RLF: variants seen among roughly 807,000 people sequenced by gnomAD.
RLF encodes zinc finger protein Rlf.
RLF carries 7 observed loss-of-function variants against 162.9 expected under a neutral mutation model. That is an observed-to-expected ratio of 0.04 (90% CI 0.02 to 0.08). RLF has a LOEUF of 0.08. Among genes scored for constraint, RLF ranks in the 10% least tolerant of loss-of-function variants. The pLI is 1.00. For synonymous variants in RLF, 782 were observed against 791.5 expected, an observed-to-expected ratio of 0.99 and a Z score of 0.20; for missense variants, 1,664 against 2,244.7, an observed-to-expected ratio of 0.74 and a Z score of 5.23.
chr1:40,186,039 C>G (rs919777972), intron 1 of RLF, among the ~76,000 whole-genome samples: 4 of 151,934 alleles, frequency 2.6e-5, no homozygotes, highest in African/African-American at 4.8e-5. Flanking sequence ...CAGTTGTAAT[C>G]CCAGCTACTC....
intron 1 of RLF, among the ~76,000 whole-genome samples, chr1:40,172,658 C>G (rs1235793648): frequency 1.3e-5 from 2 of 152,102 alleles, no homozygotes; most frequent in African/African-American, 4.8e-5. Flanking sequence ...CCCAGCTACT[C>G]TGGAGGCTGA....
chr1:40,238,866 C>T lies in RLF; in HGVS notation c.4164C>T (p.Asn1388=). ...ALAKHCSDSH[N]LDHIEEPKVL... is the part of the protein sequence containing the mutation. ...CTAAGCACTGTAGTGATTCTCATAA[C>T]CTAGACCATATTGAAGAGCCTAAAG... Residue 1388 remains asparagine (N), a synonymous_variant, in exon 8 of 8, where the codon AAC becomes AAT. Coordinates refer to ENST00000372771, the MANE Select transcript of RLF (RefSeq NM_012421.4). The surrounding 1 kb of genome is among the most constrained non-coding windows in gnomAD (Gnocchi z 5.2). The T allele has an allele frequency of 1.2e-6, 2 of 1,614,190 alleles. No individual in the cohort carries two copies. The highest frequency in any genetic ancestry group is 1.7e-6 in the Non-Finnish European group (2 of 1,180,018).
chr1:40,236,553 G>C lies in RLF; in HGVS notation c.1851G>C (p.Lys617Asn). The change falls in exon 8 of 8, where the codon AAG becomes AAC. Residue 617 changes from lysine (K) to asparagine (N), a missense_variant. Coordinates refer to ENST00000372771, the MANE Select transcript of RLF (RefSeq NM_012421.4). The surrounding 1 kb of genome is among the most constrained non-coding windows in gnomAD (Gnocchi z 7.7). Reference sequence around the variant, plus strand: ...CAAGCAGAAGGGACCGCTCTAAAAAGAAATTACTGTTAAAAGGCTCTCAAA... The same window carrying C: ...CAAGCAGAAGGGACCGCTCTAAAAACAAATTACTGTTAAAAGGCTCTCAAA... ...MPPSRRDRSKKKLLLKGSQKG... is the reference protein window; with the variant it reads ...MPPSRRDRSKNKLLLKGSQKG... The C allele has an allele frequency of 6.2e-7, 1 of 1,614,120 alleles. No homozygotes were observed. Among genetic ancestry groups the C allele is most frequent in the Non-Finnish European group, 8.5e-7 (1 of 1,180,006 alleles).
rs751244254 is a variant in RLF, at chr1:40,239,105, G to A, written c.4403G>A (p.Arg1468Gln). 1.8e-5 allele frequency: 29 copies of A among 1,613,910 alleles called. No individual in the cohort carries two copies. The highest frequency in any genetic ancestry group is 2.1e-5 in the Non-Finnish European group (25 of 1,180,004). ...AATTACTCACAACATGTATATTACC[G>A]ACATAAAGACTATTATGATGATTTG... ...RSNYSQHVYY[R>Q]HKDYYDDLFR... The change falls in exon 8 of 8, where the codon CGA becomes CAA. Residue 1468 changes from arginine (R) to glutamine (Q), a missense_variant. Around this residue, in one of 15 missense-constraint regions of RLF, gnomAD observed 200 missense variants for 207.3 expected, o/e 0.96. Coordinates refer to ENST00000372771, the MANE Select transcript of RLF (RefSeq NM_012421.4).
At chr1:40,220,937 G>A (rs1642984734) in intron 5 of RLF, among the ~76,000 whole-genome samples, 1 of 150,498 alleles carries the variant, frequency 6.6e-6, no homozygotes, top group African/African-American at 2.5e-5. Flanking sequence ...GACCAGCCTG[G>A]GCAGCATAGT....
chr1:40,191,449 A>T (rs772817001), intron 3 of RLF, among the ~76,000 whole-genome samples: 1 of 152,084 alleles, frequency 6.6e-6, no homozygotes, highest in South Asian at 2.1e-4. Context: ...CAGGCAGGAT[A>T]ATCGCTTGAA....
chr1:40,222,713 A>G lies in RLF; in HGVS notation c.947+3A>G. 3 of 1,612,044 alleles carry G rather than the reference A, an allele frequency of 1.9e-6. No homozygotes were observed. Among genetic ancestry groups the G allele is most frequent in the Non-Finnish European group, 2.5e-6 (3 of 1,179,044 alleles). ...ACTGCAAGTGTATATTGTTCTTGGT[A>G]AGTATATTTAGTTTTACACTCTTTA... On this transcript the variant is annotated splice_donor_region_variant and intron_variant, in intron 6 of 7. Coordinates refer to ENST00000372771, the MANE Select transcript of RLF (RefSeq NM_012421.4).
chr1:40,196,712 G>T (rs1479691441), intron 4 of RLF, among the ~76,000 whole-genome samples: 1 of 150,930 alleles, frequency 6.6e-6, no homozygotes, highest in Non-Finnish European at 1.5e-5. Flanking sequence ...TGTTGCCTAG[G>T]CTGGTCTTGA....
chr1:40,213,785 A>G (rs1381127365), intron 5 of RLF, among the ~76,000 whole-genome samples: 1 of 152,256 alleles, frequency 6.6e-6, no homozygotes, highest in Non-Finnish European at 1.5e-5. Context: ...CTCAGAACTA[A>G]TCAGGGAAAT....
Position 40,195,738 on chromosome 1 carries a change from C to T in RLF, c.581C>T (p.Ser194Phe). The change falls in exon 4 of 8, where the codon TCT becomes TTT. Residue 194 changes from serine to phenylalanine, a missense_variant. By Grantham distance (155) the Ser-to-Phe change is radical. Coordinates refer to ENST00000372771, the MANE Select transcript of RLF (RefSeq NM_012421.4). ...AACCCAGTTCTTCTTAAAATTCTGT[C>T]TCAACAGCCAGTAGAAACGGAGGAA... Reference protein sequence around the residue: ...WKNPVLLKILSQQPVETEEVN... With the variant: ...WKNPVLLKILFQQPVETEEVN... The T allele has an allele frequency of 1.2e-6, 2 of 1,613,708 alleles. No homozygotes were observed. The highest frequency in any genetic ancestry group is 2.2e-5 in the East Asian group (1 of 44,834).
intron 5 of RLF, among the ~76,000 whole-genome samples, chr1:40,205,263 G>A (rs1642774820): frequency 6.6e-6 from 1 of 152,080 alleles, no homozygotes; most frequent in African/African-American, 2.4e-5. Flanking sequence ...TTGAGCCCAG[G>A]AGGCAGAGGC....
At chr1:40,217,275 C>T (rs574170125) in intron 5 of RLF, among the ~76,000 whole-genome samples, 86 of 152,070 alleles carry the variant, frequency 5.7e-4, no homozygotes, top group African/African-American at 2.0e-3. Flanking sequence ...AGACCAACCT[C>T]GGCAACAATA....
At chr1:40,211,816 T>G (rs539185079) in intron 5 of RLF, among the ~76,000 whole-genome samples, 1 of 152,254 alleles carries the variant, frequency 6.6e-6, no homozygotes, top group African/African-American at 2.4e-5. Context: ...GAAACGGGGT[T>G]TCACCGTTTC....
intron 4 of RLF, among the ~76,000 whole-genome samples, chr1:40,197,712 A>G (rs1483209994): frequency 6.6e-6 from 1 of 152,262 alleles, no homozygotes; most frequent in Non-Finnish European, 1.5e-5. Flanking sequence ...GAATAGGTAC[A>G]TGATACCTAC....
At chr1:40,172,533 C>T (rs1378224408) in intron 1 of RLF, among the ~76,000 whole-genome samples, 1 of 152,056 alleles carries the variant, frequency 6.6e-6, no homozygotes, top group Non-Finnish European at 1.5e-5. Context: ...ACCTGTAATC[C>T]CAGCACTTTG....
intron 5 of RLF, among the ~76,000 whole-genome samples, chr1:40,203,651 C>T (rs1314238135): frequency 1.3e-5 from 2 of 151,648 alleles, no homozygotes; most frequent in Non-Finnish European, 2.9e-5. Context: ...TGGTTTTTGA[C>T]ATTATACAGA....
chr1:40,215,964 T>G (rs1289303663), intron 5 of RLF, among the ~76,000 whole-genome samples: 1 of 151,574 alleles, frequency 6.6e-6, no homozygotes, highest in Non-Finnish European at 1.5e-5. Flanking sequence ...AAATAGAGAA[T>G]AGAAAATCAA....
In RLF at chr1:40,239,842, ACAAGTTTCC is replaced by A. The variant is rs781458415; in HGVS notation, c.5141_5149del (p.Thr1714_Gln1717delinsLys). The A allele has an allele frequency of 5.6e-6, 9 of 1,613,954 alleles. No homozygotes were observed. Among genetic ancestry groups the A allele is most frequent in the Non-Finnish European group, 7.6e-6 (9 of 1,180,046 alleles). ...TGGGACTGAAAGTGGGACTTATTTC[ACAAGTTTCC>A]AGCTGCCTTTACCAAGGATCAAAGA... On this transcript the variant is annotated inframe_deletion, in exon 8 of 8. Transcript: ENST00000372771.
chr1:40,195,822 A>G (rs1642628420), intron 4 of RLF, 58 bp downstream of exon 4: 2 of 1,518,528 alleles, frequency 1.3e-6, no homozygotes, highest in South Asian at 1.2e-5. Context: ...GGAATTGATT[A>G]TGGGTTAAAA....
Sources: gnomAD v4.1 joint callset for allele counts (sites outside exome capture counted in the v4.1 genomes callset) on GRCh38, gnomAD v4.1.1 for gene constraint, gnomAD v4.1.1 regional missense constraint, Gnocchi (gnomAD v3.1) non-coding constraint, MANE v1.5 for transcripts, NCBI Gene and HGNC (gene_info 2026-07-23, HGNC 2026-07-21) for gene names.